Variants in CCNA2 observed in about 807,000 individuals in gnomAD.
The protein encoded by CCNA2 is cyclin-A2.
In CCNA2, 3 loss-of-function variants were observed where a neutral mutation model predicts 49.4. That is an observed-to-expected ratio of 0.06 (90% CI 0.03 to 0.16). CCNA2 has a LOEUF of 0.16. Among genes scored for constraint, CCNA2 ranks in the 10% least tolerant of loss-of-function variants. The pLI is 1.00. For synonymous variants in CCNA2, 206 were observed against 197.2 expected, an observed-to-expected ratio of 1.04 and a Z score of -0.37; for missense variants, 372 against 519.7, an observed-to-expected ratio of 0.72 and a Z score of 2.76.
In CCNA2 at chr4:121,823,749, G is replaced by A; in HGVS notation, c.-121C>T. 5 of 1,440,496 alleles carry A rather than the reference G, an allele frequency of 3.5e-6. No individual in the cohort carries two copies. Among genetic ancestry groups the A allele is most frequent in the Non-Finnish European group, 4.5e-6 (5 of 1,100,550 alleles). 89.2% of individuals were successfully genotyped at this position (1,440,496 alleles called of 1,614,324 possible). A position where few individuals can be genotyped will look rare whatever the true frequency, so the allele number is the denominator to read the frequency against. On this transcript the variant is annotated 5_prime_UTR_variant, in exon 1 of 8. Coordinates refer to ENST00000274026, the MANE Select transcript of CCNA2 (RefSeq NM_001237.5). The stretch of plus-strand genomic sequence containing the variant: ...AGTCGTAGCCGCCGGTCGCAGCCCA[G>A]GCCAGCCTACCAGCCCGCCCGCTCG...
rs962960105 is a variant in CCNA2 at position 121,819,718 on chromosome 4, T to A, written c.795-139A>T. The stretch of plus-strand genomic sequence containing the variant: ...GCATTTCCAGACACTTGATCATCAT[T>A]TCTAGTAGAGACTGGATAGCTAATT... On this transcript the variant is annotated intron_variant, in intron 4 of 7. Transcript: ENST00000274026. The A allele has an allele frequency of 1.3e-5, 8 of 632,540 alleles. No homozygotes were observed. In the African/African-American group the frequency reaches 1.5e-4, roughly 12 times the overall value. The allele number at this position is 632,540 out of a possible 1,614,324, so 39.2% of individuals were successfully genotyped here.
rs1258160982 is a variant in CCNA2, at chr4:121,822,603, G to T, written c.257C>A (p.Thr86Asn). 1 of 1,614,060 alleles carries T rather than the reference G, an allele frequency of 6.2e-7. No individual in the cohort carries two copies. Among genetic ancestry groups the T allele is most frequent in the Admixed American group, 1.7e-5 (1 of 60,012 alleles). ...KDLPVNDEHV[T>N]VPPWKANSKQ... ...ACTGTTTGCTTTCCAAGGAGGAACG[G>T]TGACATGCTCATCATTTACAGGAAG... is the stretch of plus-strand genomic sequence containing the variant. Residue 86 changes from threonine to asparagine, a missense_variant, in exon 2 of 8, where the codon ACC (threonine) becomes AAC (asparagine). This residue lies in a region of CCNA2 where 217 missense variants were observed against 231.7 expected (regional missense o/e 0.94). Transcript: ENST00000274026.
At position 121,820,932 on chromosome 4, in the gene CCNA2, C is replaced by T; in HGVS notation, c.570+47G>A. The T allele has an allele frequency of 2.0e-6, 3 of 1,497,456 alleles. No homozygotes were observed. Among genetic ancestry groups the T allele is most frequent in the South Asian group, 1.2e-5 (1 of 84,922 alleles). 92.8% of individuals were successfully genotyped at this position (1,497,456 alleles called of 1,614,324 possible). On this transcript the variant is annotated intron_variant, in intron 3 of 7. Transcript: ENST00000274026. This position sits in a 1 kb window ranked among gnomAD's most constrained non-coding sequence, Gnocchi z 4.1. ...CATTATCCTCTCAATTTCATTTAGC[C>T]ACATTTAACAAATACATTATACAAA...
intron 7 of CCNA2, 56 bp downstream of exon 7, chr4:121,817,988 A>G (rs1184477848): frequency 6.6e-7 from 1 of 1,507,968 alleles, no homozygotes; most frequent in Non-Finnish European, 9.1e-7. Context: ...AAAATGTCAA[A>G]GATCTCTGAA....
At position 121,817,573 on chromosome 4, in the gene CCNA2, TA is replaced by T; in HGVS notation, c.*64del. 3.1e-6 allele frequency: 5 copies of T among 1,588,454 alleles called. No individual in the cohort carries two copies. The highest frequency in any genetic ancestry group is 2.6e-6 in the Non-Finnish European group (3 of 1,167,236). On this transcript the variant is annotated 3_prime_UTR_variant, in exon 8 of 8. Coordinates refer to ENST00000274026, the MANE Select transcript of CCNA2 (RefSeq NM_001237.5). ...ATGATTGTAAAATTAAAACCTAAGT[TA>T]AAAACTGTACACCATATACTTTGAG...
Position 121,816,525 on chromosome 4 carries a change from A to G in CCNA2, c.*1113T>C. 1 of 960,594 alleles carries G rather than the reference A, an allele frequency of 1.0e-6. No individual in the cohort carries two copies. 59.5% of individuals were successfully genotyped at this position (960,594 alleles called of 1,614,324 possible). On this transcript the variant is annotated 3_prime_UTR_variant, in exon 8 of 8. Coordinates refer to ENST00000274026, the MANE Select transcript of CCNA2 (RefSeq NM_001237.5). Reference sequence around the variant, plus strand: ...AGGTTTGCTCTCTGGTTTTACTCTCATCTTGCCACATGACTATAAACAAAA... The same window carrying G: ...AGGTTTGCTCTCTGGTTTTACTCTCGTCTTGCCACATGACTATAAACAAAA...
chr4:121,823,129 T>A (rs953636408), intron 1 of CCNA2, among the ~76,000 whole-genome samples: 11 of 152,116 alleles, frequency 7.2e-5, no homozygotes, highest in African/African-American at 2.7e-4. Flanking sequence ...GGCGCGGAGC[T>A]GAGCGAAGAC....
At chr4:121,817,784 T>C (rs1451048685) in intron 7 of CCNA2, 98 bp from the exon 8 acceptor site, 4 of 1,519,254 alleles carry the variant, frequency 2.6e-6, no homozygotes, top group East Asian at 2.3e-5. Context: ...AACTAAAAAA[T>C]GCTATTTCTG....
In CCNA2 at chr4:121,819,358, G is replaced by C; in HGVS notation, c.1002+14C>G. On this transcript the variant is annotated intron_variant, in intron 5 of 7. Coordinates refer to ENST00000274026, the MANE Select transcript of CCNA2 (RefSeq NM_001237.5). ...CCAAAGAATCACCATTCAACAAAAT[G>C]AAAGTTAACTCACCATTGCTAAACT... 6.3e-7 allele frequency: 1 copy of C among 1,597,870 alleles called. No homozygotes were observed. The highest frequency in any genetic ancestry group is 1.3e-5 in the African/African-American group (1 of 74,672).
rs2149042328 is a variant in CCNA2, at chr4:121,819,556, G to C, written c.818C>G (p.Pro273Arg). ...LASKFEEIYP[P>R]EVAEFVYITD... ...AATGTACACAAACTCTGCTACTTCT[G>C]GGGGGTATATTTCTTCAAACTTTCT... is the stretch of plus-strand genomic sequence containing the variant. Residue 273 changes from proline to arginine, a missense_variant, in exon 5 of 8, where the codon CCA (proline) becomes CGA (arginine). Coordinates refer to ENST00000274026, the MANE Select transcript of CCNA2 (RefSeq NM_001237.5). The C allele has an allele frequency of 2.5e-6, 4 of 1,610,950 alleles. No individual in the cohort carries two copies. The highest frequency in any genetic ancestry group is 1.1e-5 in the South Asian group (1 of 90,958).
Position 121,816,447 on chromosome 4 carries a change from G to A in CCNA2, c.*1191C>T. 2 of 1,556,830 alleles carry A rather than the reference G, an allele frequency of 1.3e-6. No homozygotes were observed. The highest frequency in any genetic ancestry group is 1.7e-6 in the Non-Finnish European group (2 of 1,147,294). On this transcript the variant is annotated 3_prime_UTR_variant, in exon 8 of 8. Transcript: ENST00000274026. ...CCAGACAAGAATCCAAAGAAAATAA[G>A]GTAACAAATTTCTGGTTTATTTCAA...
chr4:121,816,934 A>G lies in CCNA2; in HGVS notation c.*704T>C. 1 of 1,297,802 alleles carries G rather than the reference A, an allele frequency of 7.7e-7. No individual in the cohort carries two copies. Among genetic ancestry groups the G allele is most frequent in the East Asian group, 2.7e-5 (1 of 36,840 alleles). The allele number at this position is 1,297,802 out of a possible 1,614,324, so 80.4% of individuals were successfully genotyped here. On this transcript the variant is annotated 3_prime_UTR_variant, in exon 8 of 8. Transcript: ENST00000274026. ...ATTCTGAGAACCCTGGGTATTTTTT[A>G]TTCACAAATCCATTATAAAATCTAG...
At position 121,816,776 on chromosome 4, in the gene CCNA2, C is replaced by T. The variant is rs1368783513; in HGVS notation, c.*862G>A. The T allele has an allele frequency of 6.3e-7, 1 of 1,592,864 alleles. No homozygotes were observed. Among genetic ancestry groups the T allele is most frequent in the Non-Finnish European group, 8.5e-7 (1 of 1,171,236 alleles). On this transcript the variant is annotated 3_prime_UTR_variant, in exon 8 of 8. Transcript: ENST00000274026. ...CTTACTTTGCTTTATTCACAGAACA[C>T]AGACCACCAGTGCAAAACAAGAAAA...
intron 1 of CCNA2, among the ~76,000 whole-genome samples, chr4:121,822,977 C>A (rs1436432425): frequency 6.6e-6 from 1 of 152,180 alleles, no homozygotes; most frequent in African/African-American, 2.4e-5. Context: ...AGCAACAGAG[C>A]AAATCCGGCT....
Position 121,823,754 on chromosome 4 carries a change from G to A in CCNA2, c.-126C>T. On this transcript the variant is annotated 5_prime_UTR_variant, in exon 1 of 8. Coordinates refer to ENST00000274026, the MANE Select transcript of CCNA2 (RefSeq NM_001237.5). The stretch of plus-strand genomic sequence containing the variant: ...TAGCCGCCGGTCGCAGCCCAGGCCA[G>A]CCTACCAGCCCGCCCGCTCGCTCAC... 2 of 1,430,046 alleles carry A rather than the reference G, an allele frequency of 1.4e-6. No individual in the cohort carries two copies. Among genetic ancestry groups the A allele is most frequent in the Non-Finnish European group, 1.8e-6 (2 of 1,094,402 alleles). The allele number at this position is 1,430,046 out of a possible 1,614,324, so 88.6% of individuals were successfully genotyped here.
Position 121,817,584 on chromosome 4 carries a change from C to G in CCNA2, c.*54G>C. 6.2e-7 allele frequency: 1 copy of G among 1,603,552 alleles called. No individual in the cohort carries two copies. The highest frequency in any genetic ancestry group is 8.5e-7 in the Non-Finnish European group (1 of 1,174,248). On this transcript the variant is annotated 3_prime_UTR_variant, in exon 8 of 8. Transcript: ENST00000274026. ...ATTAAAACCTAAGTTAAAAACTGTA[C>G]ACCATATACTTTGAGTGATTTACAT...
chr4:121,823,306 C>A, intron 1 of CCNA2, 110 bp downstream of exon 1: 1 of 1,321,854 alleles, frequency 7.6e-7, no homozygotes, highest in Non-Finnish European at 1.0e-6. Flanking sequence ...CAGACCCTGG[C>A]CCCCTTCCAA....
rs1724523513 is a variant in CCNA2, at chr4:121,816,597, A to G, written c.*1041T>C. On this transcript the variant is annotated 3_prime_UTR_variant, in exon 8 of 8. Transcript: ENST00000274026. The stretch of plus-strand genomic sequence containing the variant: ...GATCCATCTGTTCTGTGATTTTTTT[A>G]CCTTGTGATTTATAAAAATTAGGAC... The G allele has an allele frequency of 3.7e-6, 3 of 819,576 alleles. No individual in the cohort carries two copies. The African/African-American group carries it at 5.3e-5, about 15-fold the overall frequency. The allele number at this position is 819,576 out of a possible 1,614,324, so 50.8% of individuals were successfully genotyped here.
At chr4:121,819,314 G>C (rs1724632281) in intron 5 of CCNA2, 58 bp downstream of exon 5, 1 of 1,327,086 alleles carries the variant, frequency 7.5e-7, no homozygotes, top group African/African-American at 1.5e-5. Flanking sequence ...AAGGAATTAG[G>C]GCTTACCCCT....
Sources: gnomAD v4.1 joint callset for allele counts (sites outside exome capture counted in the v4.1 genomes callset) on GRCh38, gnomAD v4.1.1 for gene constraint, gnomAD v4.1.1 regional missense constraint, Gnocchi (gnomAD v3.1) non-coding constraint, MANE v1.5 for transcripts, NCBI Gene and HGNC (gene_info 2026-07-23, HGNC 2026-07-21) for gene names.